Variants in BICDL1 observed in about 807,000 individuals in gnomAD.
The protein encoded by BICDL1 is BICD family-like cargo adapter 1.
Under a neutral mutation model 76.8 loss-of-function variants are expected in BICDL1, and 20 were observed. The observed-to-expected ratio is 0.26, with a 90% CI of 0.18 to 0.38. The LOEUF is 0.38. BICDL1 is among the 10% of genes least tolerant of loss of function. The pLI is 1.00. For synonymous variants in BICDL1, 383 were observed against 337.1 expected, an observed-to-expected ratio of 1.14 and a Z score of -1.49; for missense variants, 700 against 798.6, an observed-to-expected ratio of 0.88 and a Z score of 1.49.
Position 120,052,852 on chromosome 12 carries a change from A to G in BICDL1, c.646-8858A>G, listed in dbSNP as rs573529608. On this transcript the variant is annotated intron_variant, in intron 2 of 9. Coordinates refer to ENST00000548673, the MANE Select transcript of BICDL1 (RefSeq NM_001367886.1). ...CAGGGCACAATCTTGGCTCAGTGCA[A>G]CCTCTGCCTCCTAGGTTCAAGCGAT... Among the ~76,000 whole-genome samples the G allele has an allele frequency of 5.5e-3, 837 of 152,028 alleles. 11 individuals carry two copies. Among genetic ancestry groups the G allele is most frequent in the Non-Finnish European group, 6.7e-3 (453 of 67,968 alleles).
chr12:120,080,971 G>C lies in BICDL1; in HGVS notation c.1537G>C (p.Glu513Gln), dbSNP rs763260424. ...RVTSEDKEPK[E>Q]QLQKAIRDRD... ...CACTTCTGAGGACAAGGAGCCAAAG[G>C]AGCAGCTTCAGAAGGCCATCAGGGA... is the stretch of plus-strand genomic sequence containing the variant. The change falls in exon 8 of 10, where the codon GAG (glutamate) becomes CAG (glutamine). Residue 513 changes from glutamate to glutamine, a missense_variant. Physicochemically the swap from Glu to Gln is conservative, Grantham distance 29. Around this residue, in one of 3 missense-constraint regions of BICDL1, gnomAD observed 455 missense variants for 548.7 expected, o/e 0.83. Coordinates refer to ENST00000548673, the MANE Select transcript of BICDL1 (RefSeq NM_001367886.1). The C allele has an allele frequency of 6.2e-7, 1 of 1,613,906 alleles. No individual in the cohort carries two copies. Among genetic ancestry groups the C allele is most frequent in the African/African-American group, 1.3e-5 (1 of 75,012 alleles).
At chr12:119,997,869 A>C (rs1386438620) in intron 1 of BICDL1, among the ~76,000 whole-genome samples, 1 of 152,158 alleles carries the variant, frequency 6.6e-6, no homozygotes, top group Non-Finnish European at 1.5e-5. Context: ...TAATCCCAGC[A>C]CTTTGGGAGG....
At chr12:120,086,216 G>A (rs1482858047) in intron 8 of BICDL1, among the ~76,000 whole-genome samples, 1 of 152,154 alleles carries the variant, frequency 6.6e-6, no homozygotes, top group African/African-American at 2.4e-5. Context: ...CTATAGAACA[G>A]GGCTGGCTGG....
At chr12:120,000,067 G>GA (rs1401085428) in intron 2 of BICDL1, among the ~76,000 whole-genome samples, 1 of 152,140 alleles carries the variant, frequency 6.6e-6, no homozygotes, top group Non-Finnish European at 1.5e-5. Context: ...TGAGACCAGT[G>GA]AAAAAACGTG....
rs140857516 is a variant in BICDL1, at chr12:119,998,467, A to G, written c.430-54A>G. The G allele has an allele frequency of 4.8e-4, 711 of 1,496,550 alleles. 5 individuals carry two copies. In the African/African-American group the frequency reaches 8.4e-3, roughly 18 times the overall value. 92.7% of individuals were successfully genotyped at this position (1,496,550 alleles called of 1,614,324 possible). On this transcript the variant is annotated intron_variant, in intron 1 of 9. Coordinates refer to ENST00000548673, the MANE Select transcript of BICDL1 (RefSeq NM_001367886.1). Reference sequence around the variant, plus strand: ...AGTTGGGACAGCGCGGAGAGAAAAAATAAAAGGCTGTGGAATTTTTATCAG... The same window carrying G: ...AGTTGGGACAGCGCGGAGAGAAAAAGTAAAAGGCTGTGGAATTTTTATCAG...
chr12:120,013,132 G>A (rs1174473918), intron 2 of BICDL1, among the ~76,000 whole-genome samples: 2 of 151,996 alleles, frequency 1.3e-5, no homozygotes, highest in Admixed American at 1.3e-4. Flanking sequence ...CCAACATGGC[G>A]AAACCCCGTC....
In BICDL1 at chr12:119,989,382, G is replaced by C. The variant is rs1262385889; in HGVS notation, c.-487G>C. Among the ~76,000 whole-genome samples the C allele has an allele frequency of 6.6e-6, 1 of 150,896 alleles. No homozygotes were observed. Among genetic ancestry groups the C allele is most frequent in the African/African-American group, 2.4e-5 (1 of 41,312 alleles). The stretch of plus-strand genomic sequence containing the variant: ...AGTGCGGCTGCAGAGAGCGGCCGCC[G>C]GCAACAGCAGCAGCAGCAGGAAGCG... On this transcript the variant is annotated 5_prime_UTR_variant, in exon 1 of 10. Coordinates refer to ENST00000548673, the MANE Select transcript of BICDL1 (RefSeq NM_001367886.1).
intron 2 of BICDL1, among the ~76,000 whole-genome samples, chr12:120,000,762 T>C (rs1951743178): frequency 6.6e-6 from 1 of 152,244 alleles, no homozygotes; most frequent in Non-Finnish European, 1.5e-5. Context: ...TGTTACTCAT[T>C]AACTGGGGGA....
rs1023460954 is a variant in BICDL1, at chr12:120,093,393, C to T, written c.*232C>T. ...TTGGCCCACCGCCTGGCCAAGCCCA[C>T]GCCTGGGCTTCTCCAGGACCACGTG... is the stretch of plus-strand genomic sequence containing the variant. On this transcript the variant is annotated 3_prime_UTR_variant, in exon 10 of 10. Coordinates refer to ENST00000548673, the MANE Select transcript of BICDL1 (RefSeq NM_001367886.1). 23 of 552,866 alleles carry T rather than the reference C, an allele frequency of 4.2e-5. No homozygotes were observed. The highest frequency in any genetic ancestry group is 4.9e-4 in the Middle Eastern group (1 of 2,034). 34.2% of individuals were successfully genotyped at this position (552,866 alleles called of 1,614,324 possible). A position where few individuals can be genotyped will look rare whatever the true frequency, so the allele number is the denominator to read the frequency against.
intron 2 of BICDL1, among the ~76,000 whole-genome samples, chr12:120,001,654 A>G (rs1951761663): frequency 6.6e-6 from 1 of 152,246 alleles, no homozygotes; most frequent in Admixed American, 6.5e-5. Context: ...GAGTTTACAT[A>G]CATCTCATTG....
intron 8 of BICDL1, among the ~76,000 whole-genome samples, chr12:120,084,310 T>C (rs1462647726): frequency 6.6e-6 from 1 of 152,174 alleles, no homozygotes; most frequent in Non-Finnish European, 1.5e-5. Context: ...CCAACACTTT[T>C]ATTCTTTAAT....
intron 8 of BICDL1, among the ~76,000 whole-genome samples, chr12:120,087,194 A>G (rs1874493405): frequency 1.3e-5 from 2 of 152,340 alleles, no homozygotes; most frequent in South Asian, 4.1e-4. Flanking sequence ...CTGCCAGCCA[A>G]TAGCAGTGGG....
At chr12:120,000,108 A>G (rs151000130) in intron 2 of BICDL1, among the ~76,000 whole-genome samples, 3 of 152,224 alleles carry the variant, frequency 2.0e-5, no homozygotes, top group Non-Finnish European at 2.9e-5. Flanking sequence ...AAGTGCCACC[A>G]ATGGGGAAGG....
chr12:120,081,927 TAAAA>T (rs373206619), intron 8 of BICDL1, among the ~76,000 whole-genome samples: 3 of 130,874 alleles, frequency 2.3e-5, no homozygotes, highest in Admixed American at 7.7e-5. Flanking sequence ...CAGAAAGAAT[TAAAA>T]AAAAAAAAAA....
rs1331817488 is a variant in BICDL1 at position 119,989,432 on chromosome 12, C to T, written c.-437C>T. 6.7e-6 allele frequency among the ~76,000 whole-genome samples: 1 copy of T among 148,470 alleles called. No individual in the cohort carries two copies. The highest frequency in any genetic ancestry group is 2.5e-5 in the African/African-American group (1 of 40,424). On this transcript the variant is annotated 5_prime_UTR_variant, in exon 1 of 10. Coordinates refer to ENST00000548673, the MANE Select transcript of BICDL1 (RefSeq NM_001367886.1). ...GTCGCGGCGACAGCGGAGCGCAGCC[C>T]GCCCCGTGAGGCGCTGCCCGGCCGG... is the stretch of plus-strand genomic sequence containing the variant.
chr12:120,077,122 C>T (rs1013830732), intron 7 of BICDL1, among the ~76,000 whole-genome samples: 2 of 152,270 alleles, frequency 1.3e-5, no homozygotes, highest in African/African-American at 2.4e-5. Flanking sequence ...AGCCTGTCAC[C>T]TGAGAGTGTT....
At chr12:120,054,704 C>G (rs377225452) in intron 2 of BICDL1, among the ~76,000 whole-genome samples, 1 of 151,942 alleles carries the variant, frequency 6.6e-6, no homozygotes, top group South Asian at 2.1e-4. Flanking sequence ...TGAAGGAATT[C>G]CATCTCTACT....
intron 8 of BICDL1, among the ~76,000 whole-genome samples, chr12:120,082,524 G>A (rs937298301): frequency 6.6e-6 from 1 of 151,960 alleles, no homozygotes; most frequent in Non-Finnish European, 1.5e-5. Context: ...AAAGTCCTGG[G>A]ATTACAGGCA....
At chr12:120,053,248 C>A (rs1162639075) in intron 2 of BICDL1, among the ~76,000 whole-genome samples, 2 of 152,000 alleles carry the variant, frequency 1.3e-5, no homozygotes, top group African/African-American at 4.8e-5. Flanking sequence ...CCATGCCTGG[C>A]TAATTTTGTA....
Sources: allele counts gnomAD v4.1 joint callset (sites outside exome capture counted in the v4.1 genomes callset), GRCh38; gene constraint gnomAD v4.1.1; regional missense constraint gnomAD v4.1.1; transcripts MANE v1.5; gene names NCBI Gene and HGNC (gene_info 2026-07-23, HGNC 2026-07-21).